Variants in PXK observed in about 807,000 individuals in gnomAD.
The protein encoded by PXK is PX domain containing serine/threonine kinase like, also known as PX domain-containing protein kinase-like protein.
A neutral mutation model predicts 84.7 loss-of-function variants in PXK; 35 were observed. The observed-to-expected ratio is 0.41, with a 90% CI of 0.32 to 0.55. PXK has a LOEUF of 0.55. Among genes scored for constraint, PXK ranks in the 20% least tolerant of loss-of-function variants. The pLI is 0.21. For synonymous variants in PXK, 253 were observed against 260.8 expected (o/e 0.97, Z 0.29); for missense variants, 634 against 699.7 (o/e 0.91, Z 1.06).
In PXK at chr3:58,397,494, G is replaced by A; in HGVS notation, c.985-111G>A. 1 of 953,942 alleles carries A rather than the reference G, an allele frequency of 1.0e-6. No homozygotes were observed. The highest frequency in any genetic ancestry group is 1.7e-6 in the Non-Finnish European group (1 of 597,530). 59.1% of individuals were successfully genotyped at this position (953,942 alleles called of 1,614,324 possible). A position where few individuals can be genotyped will look rare whatever the true frequency, so the allele number is the denominator to read the frequency against. Reference sequence around the variant, plus strand: ...GGAGTTGCATTTACGTTACCAATTAGGAACGGGGCTATCCCTGGGCTTTGT... The same window carrying A: ...GGAGTTGCATTTACGTTACCAATTAAGAACGGGGCTATCCCTGGGCTTTGT... On this transcript the variant is annotated intron_variant, in intron 10 of 17. Coordinates refer to ENST00000356151, the MANE Select transcript of PXK (RefSeq NM_017771.5). The surrounding 1 kb of genome is among the most constrained non-coding windows in gnomAD (Gnocchi z 4.7).
In PXK at chr3:58,351,395, T is replaced by TTGTGTGTGTGTGTG. The variant is rs57349140; in HGVS notation, c.103-14453_103-14440dup. ...GGTGTGCGCCACCACAGCTAGCTAT[T>TTGTGTGTGTGTGTG]TGTGTGTGTGTGTGTGTGTGTGTGT... On this transcript the variant is annotated intron_variant, in intron 1 of 17. Transcript: ENST00000356151. Among the ~76,000 whole-genome samples the TTGTGTGTGTGTGTG allele has an allele frequency of 2.3e-3, 319 of 140,684 alleles. 2 individuals are homozygous for TTGTGTGTGTGTGTG. The highest frequency in any genetic ancestry group is 0.014 in the East Asian group (62 of 4,422). The allele number at this position is 140,684 out of a possible 152,430, so 92.3% of individuals were successfully genotyped here.
At chr3:58,359,545 GA>G (rs75775589) in intron 1 of PXK, among the ~76,000 whole-genome samples, 1 of 147,314 alleles carries the variant, frequency 6.8e-6, no homozygotes, top group Non-Finnish European at 1.5e-5. Flanking sequence ...AAAAAAAAAA[GA>G]AAAAAAATTA....
intron 13 of PXK, among the ~76,000 whole-genome samples, chr3:58,405,366 A>G (rs1451799345): frequency 1.3e-5 from 2 of 152,140 alleles, no homozygotes; most frequent in Non-Finnish European, 2.9e-5. Context: ...CAGACTCCTC[A>G]TGATTTAAAA....
At chr3:58,347,486 A>G (rs966952796) in intron 1 of PXK, among the ~76,000 whole-genome samples, 2 of 152,182 alleles carry the variant, frequency 1.3e-5, no homozygotes, top group African/African-American at 2.4e-5. Context: ...GTGGAATCTT[A>G]TACAATATAG....
In PXK at chr3:58,337,078, G is replaced by A. The variant is rs144847416; in HGVS notation, c.102+3988G>A. Reference sequence around the variant, plus strand: ...ACCTGCCTCGGGCTCCTAAGGCGCAGGGATTACAGGTTTGAGCCACCATGC... The same window carrying A: ...ACCTGCCTCGGGCTCCTAAGGCGCAAGGATTACAGGTTTGAGCCACCATGC... On this transcript the variant is annotated intron_variant, in intron 1 of 17. Transcript: ENST00000356151. Among the ~76,000 whole-genome samples the A allele has an allele frequency of 6.0e-3, 912 of 152,228 alleles. 11 individuals are homozygous for A. The highest frequency in any genetic ancestry group is 0.021 in the African/African-American group (859 of 41,526).
chr3:58,395,115 G>A lies in PXK; in HGVS notation c.720+13G>A. 6.4e-7 allele frequency: 1 copy of A among 1,573,624 alleles called. No individual in the cohort carries two copies. On this transcript the variant is annotated intron_variant, in intron 8 of 17. Transcript: ENST00000356151. ...TCTGATCTACAAGGTACCTGTGCAA[G>A]TTCATGGTCATAAGGAATTCTCAAG... is the stretch of plus-strand genomic sequence containing the variant.
In PXK at chr3:58,364,831, A is replaced by C. The variant is rs2098246551; in HGVS notation, c.103-1043A>C. On this transcript the variant is annotated intron_variant, in intron 1 of 17. Coordinates refer to ENST00000356151, the MANE Select transcript of PXK (RefSeq NM_017771.5). The surrounding 1 kb of genome is among the most constrained non-coding windows in gnomAD (Gnocchi z 4.3). Reference sequence around the variant, plus strand: ...AAGTTGTCAAATTGATATATGTAGAATCGTTCACAGCATTCCCTTATCCAT... The same window carrying C: ...AAGTTGTCAAATTGATATATGTAGACTCGTTCACAGCATTCCCTTATCCAT... Among the ~76,000 whole-genome samples the C allele has an allele frequency of 6.6e-6, 1 of 152,164 alleles. No homozygotes were observed. The highest frequency in any genetic ancestry group is 1.5e-5 in the Non-Finnish European group (1 of 68,034).
intron 17 of PXK, chr3:58,422,478 C>T: frequency 1.0e-6 from 1 of 985,324 alleles, no homozygotes; most frequent in Non-Finnish European, 1.2e-6. Flanking sequence ...TTTACTGGAG[C>T]CCTGGAGCCC....
chr3:58,392,251 GTT>G (rs2106916518), intron 7 of PXK, among the ~76,000 whole-genome samples: 1 of 152,250 alleles, frequency 6.6e-6, no homozygotes, highest in South Asian at 2.1e-4. Flanking sequence ...TTCTGTCTGA[GTT>G]ACTACCTTCA....
At chr3:58,338,843 C>T (rs533323863) in intron 1 of PXK, among the ~76,000 whole-genome samples, 5 of 151,882 alleles carry the variant, frequency 3.3e-5, no homozygotes, top group Non-Finnish European at 5.9e-5. Flanking sequence ...CCACCACACC[C>T]GGCTAATTTT....
Position 58,364,259 on chromosome 3 carries a change from G to A in PXK, c.103-1615G>A, listed in dbSNP as rs1007812665. 2.0e-5 allele frequency among the ~76,000 whole-genome samples: 3 copies of A among 152,120 alleles called. No individual in the cohort carries two copies. Among genetic ancestry groups the A allele is most frequent in the Non-Finnish European group, 4.4e-5 (3 of 68,030 alleles). ...ATACTAGCTTCATCAAGTGAATTGGGAAGTGTTCCTTCCTCTTCTGTGTTT... is the reference window on the plus strand; with the variant it reads ...ATACTAGCTTCATCAAGTGAATTGGAAAGTGTTCCTTCCTCTTCTGTGTTT... On this transcript the variant is annotated intron_variant, in intron 1 of 17. Coordinates refer to ENST00000356151, the MANE Select transcript of PXK (RefSeq NM_017771.5). The surrounding 1 kb of genome is among the most constrained non-coding windows in gnomAD (Gnocchi z 4.3).
chr3:58,403,844 T>A lies in PXK; in HGVS notation c.1182-18T>A. The A allele has an allele frequency of 1.3e-6, 2 of 1,516,740 alleles. No homozygotes were observed. The highest frequency in any genetic ancestry group is 1.8e-6 in the Non-Finnish European group (2 of 1,116,964). 94.0% of individuals were successfully genotyped at this position (1,516,740 alleles called of 1,614,324 possible). A position where few individuals can be genotyped will look rare whatever the true frequency, so the allele number is the denominator to read the frequency against. On this transcript the variant is annotated intron_variant, in intron 12 of 17. Transcript: ENST00000356151. ...ACGTGGTTCAAGAAAGATTTTTGTT[T>A]GTTTCTTTTCTTTACAGATTATTCA...
chr3:58,419,098 C>G (rs1429350209), intron 17 of PXK, among the ~76,000 whole-genome samples: 2 of 152,262 alleles, frequency 1.3e-5, no homozygotes, highest in East Asian at 3.8e-4. Context: ...AGGCTATGAT[C>G]TAATGCTAAT....
chr3:58,406,255 G>A (rs1020471431), intron 13 of PXK, among the ~76,000 whole-genome samples: 1 of 151,378 alleles, frequency 6.6e-6, no homozygotes, highest in African/African-American at 2.4e-5. Flanking sequence ...CACTGCACCC[G>A]GCCAATTTTT....
chr3:58,351,508 G>A (rs2097924839), intron 1 of PXK, among the ~76,000 whole-genome samples: 3 of 151,730 alleles, frequency 2.0e-5, no homozygotes, highest in African/African-American at 7.2e-5. Flanking sequence ...CAATCCACCT[G>A]CCTCATCCTC....
intron 1 of PXK, among the ~76,000 whole-genome samples, chr3:58,351,429 G>A (rs1303377073): frequency 6.8e-6 from 1 of 147,352 alleles, no homozygotes; most frequent in Non-Finnish European, 1.5e-5. Flanking sequence ...GTGTGTGTGT[G>A]TGTGTATTTT....
rs1462967017 is a variant in PXK, at chr3:58,411,327, C to T, written c.1465+1168C>T. Among the ~76,000 whole-genome samples the T allele has an allele frequency of 6.6e-6, 1 of 152,170 alleles. No individual in the cohort carries two copies. The highest frequency in any genetic ancestry group is 2.4e-5 in the African/African-American group (1 of 41,422). ...TAAACTCCAGAAGGAGAGTGAGAGT[C>T]ACATTGACACCACTGCAGAGTCCAG... is the stretch of plus-strand genomic sequence containing the variant. On this transcript the variant is annotated intron_variant, in intron 16 of 17. Transcript: ENST00000356151. The surrounding 1 kb of genome is among the most constrained non-coding windows in gnomAD (Gnocchi z 4.2).
At chr3:58,422,210 C>A in intron 17 of PXK, 3 of 985,410 alleles carry the variant, frequency 3.0e-6, no homozygotes, top group Non-Finnish European at 3.6e-6. Context: ...CTGAGTGAGA[C>A]CGAGTCCCAG....
chr3:58,377,781 A>G (rs1270474378), intron 3 of PXK, among the ~76,000 whole-genome samples: 3 of 152,234 alleles, frequency 2.0e-5, no homozygotes, highest in South Asian at 2.1e-4. Context: ...AGGAGAAGAA[A>G]AAACCACAAT....
Sources: allele counts gnomAD v4.1 joint callset (sites outside exome capture counted in the v4.1 genomes callset), GRCh38; gene constraint gnomAD v4.1.1; non-coding constraint Gnocchi (gnomAD v3.1); transcripts MANE v1.5; gene names NCBI Gene and HGNC (gene_info 2026-07-23, HGNC 2026-07-21).